The following EEA1 variants were observed in gnomAD, a reference collection of about 807,000 sequenced individuals.
EEA1 encodes the protein early endosome antigen 1.
In EEA1, 111 loss-of-function variants were observed where a neutral mutation model predicts 209.2. That is an observed-to-expected ratio of 0.53 (90% CI 0.45 to 0.62). The LOEUF is 0.62. Ranked by LOEUF, EEA1 falls within the 20% of genes least tolerant of loss-of-function variation. The pLI is 0.00. For missense variants in EEA1, 1,343 were observed against 1,530.8 expected, an observed-to-expected ratio of 0.88 and a Z score of 2.05; for synonymous variants, 536 against 540.6, an observed-to-expected ratio of 0.99 and a Z score of 0.12.
chr12:92,876,942 TG>T (rs1044214392), intron 2 of EEA1, among the ~76,000 whole-genome samples: 9 of 136,182 alleles, frequency 6.6e-5, no homozygotes, highest in Admixed American at 2.1e-4. Context: ...ACCTGGGTGT[TG>T]TTTTTTTTTT....
chr12:92,921,929 A>G (rs1183671305), intron 1 of EEA1, among the ~76,000 whole-genome samples: 1 of 151,508 alleles, frequency 6.6e-6, no homozygotes, highest in Non-Finnish European at 1.5e-5. Flanking sequence ...TCAGAGAATG[A>G]CAGATTACAT....
At chr12:92,923,019 T>C (rs947199392) in intron 1 of EEA1, among the ~76,000 whole-genome samples, 4 of 150,440 alleles carry the variant, frequency 2.7e-5, no homozygotes, top group African/African-American at 5.0e-5. Context: ...AGAAATATTT[T>C]TGGAGGGTTT....
intron 10 of EEA1, among the ~76,000 whole-genome samples, chr12:92,841,161 T>C (rs1436291743): frequency 1.3e-5 from 2 of 152,180 alleles, no homozygotes; most frequent in Non-Finnish European, 2.9e-5. Flanking sequence ...CCAAACAGAC[T>C]AAGACAATGG....
intron 1 of EEA1, among the ~76,000 whole-genome samples, chr12:92,894,550 G>A (rs935013129): frequency 6.6e-6 from 1 of 152,088 alleles, no homozygotes; most frequent in South Asian, 2.1e-4. Context: ...TGCTGAGAAT[G>A]TTTTAGTGAC....
chr12:92,831,140 A>G (rs1421494649), intron 11 of EEA1, among the ~76,000 whole-genome samples: 1 of 152,168 alleles, frequency 6.6e-6, no homozygotes. Flanking sequence ...TATTATTACT[A>G]AAGGATAGAA....
At chr12:92,881,869 C>T (rs1368277284) in intron 2 of EEA1, among the ~76,000 whole-genome samples, 5 of 152,164 alleles carry the variant, frequency 3.3e-5, no homozygotes, top group African/African-American at 1.2e-4. Flanking sequence ...CCCTCGAACA[C>T]CGCAAGTTTG....
chr12:92,811,471 G>A, intron 16 of EEA1, 37 bp from the exon 17 acceptor site: 1 of 1,444,616 alleles, frequency 6.9e-7, no homozygotes, highest in Non-Finnish European at 9.1e-7. Flanking sequence ...CTTTGGTAAG[G>A]TTTACTATAT....
intron 3 of EEA1, among the ~76,000 whole-genome samples, chr12:92,863,981 C>A (rs535168216): frequency 6.6e-6 from 1 of 152,074 alleles, no homozygotes; most frequent in Non-Finnish European, 1.5e-5. Context: ...TATTTCCTAA[C>A]AAATGACAAA....
At chr12:92,851,521 T>C (rs1396776636) in intron 8 of EEA1, among the ~76,000 whole-genome samples, 3 of 152,192 alleles carry the variant, frequency 2.0e-5, no homozygotes, top group African/African-American at 7.2e-5. Context: ...TTTATTTGTT[T>C]TCCTTCCCTT....
At chr12:92,875,965 A>T (rs1878861422) in intron 2 of EEA1, among the ~76,000 whole-genome samples, 1 of 152,100 alleles carries the variant, frequency 6.6e-6, no homozygotes, top group African/African-American at 2.4e-5. Context: ...TCCTCAGAGA[A>T]GTCTTCCCTG....
Position 92,851,128 on chromosome 12 carries a change from G to C in EEA1, c.781C>G (p.Gln261Glu), listed in dbSNP as rs1877611598. 6.2e-7 allele frequency: 1 copy of C among 1,613,556 alleles called. No individual in the cohort carries two copies. Among genetic ancestry groups the C allele is most frequent in the Non-Finnish European group, 8.5e-7 (1 of 1,179,884 alleles). The change falls in exon 9 of 29, where the codon CAA becomes GAA. Residue 261 changes from glutamine (Q) to glutamate (E), a missense_variant. Gln to Glu is a conservative substitution (Grantham distance 29). This residue lies in a region of EEA1 where 1,307 missense variants were observed against 1,465.5 expected (regional missense o/e 0.89). Coordinates refer to ENST00000322349, the MANE Select transcript of EEA1 (RefSeq NM_003566.4). ...TTCATTACCTCTGAGCTAGCATATT[G>C]TGACTGCAATTTTTTGCATTCATCT... ...LKDECKKLQS[Q>E]YASSEATISQ...
intron 2 of EEA1, among the ~76,000 whole-genome samples, chr12:92,873,582 A>T (rs561812083): frequency 6.6e-6 from 1 of 152,338 alleles, no homozygotes; most frequent in Admixed American, 6.5e-5. Context: ...TCCTTGAGTT[A>T]TCAAAGTCAC....
intron 2 of EEA1, chr12:92,884,792 C>T: frequency 3.7e-6 from 3 of 811,678 alleles, no homozygotes; most frequent in South Asian, 2.8e-5. Flanking sequence ...CAGCCAAGCA[C>T]AGTGGTGGCA....
chr12:92,869,658 A>T (rs1165820776), intron 2 of EEA1, among the ~76,000 whole-genome samples: 3 of 142,726 alleles, frequency 2.1e-5, no homozygotes, highest in Non-Finnish European at 3.0e-5. Context: ...CGGGAGGCTG[A>T]GGCAGAACTG....
chr12:92,881,564 C>T (rs1376716815), intron 2 of EEA1, among the ~76,000 whole-genome samples: 17 of 151,988 alleles, frequency 1.1e-4, no homozygotes, highest in Admixed American at 7.9e-4. Flanking sequence ...AGAAAGACTG[C>T]GTTATTAGAC....
rs1876293529 is a variant in EEA1 at position 92,826,251 on chromosome 12, T to A, written c.1439A>T (p.Gln480Leu). The part of the protein sequence containing the change: ...KEKVTNSTEL[Q>L]HQLDKTKQQH... ...TTGCTTTGTTTTATCTAATTGATGC[T>A]GCAATTCTGTAGAATTTGTAACTTT... is the stretch of plus-strand genomic sequence containing the variant. The change falls in exon 13 of 29, where the codon CAG (glutamine) becomes CTG (leucine). Residue 480 changes from glutamine to leucine, a missense_variant. Coordinates refer to ENST00000322349, the MANE Select transcript of EEA1 (RefSeq NM_003566.4). 1 of 1,612,766 alleles carries A rather than the reference T, an allele frequency of 6.2e-7. No homozygotes were observed. The highest frequency in any genetic ancestry group is 1.1e-5 in the South Asian group (1 of 91,040).
intron 11 of EEA1, among the ~76,000 whole-genome samples, chr12:92,832,126 T>G (rs900491963): frequency 1.3e-4 from 20 of 151,846 alleles, no homozygotes; most frequent in Admixed American, 1.3e-3. Context: ...CCAATTTGTA[T>G]GCTATTTGTT....
chr12:92,874,555 G>A lies in EEA1; in HGVS notation c.118-9568C>T, dbSNP rs1355437688. Among the ~76,000 whole-genome samples, 19 of 151,992 alleles carry A rather than the reference G, an allele frequency of 1.3e-4. 1 individual carries two copies. Among genetic ancestry groups the A allele is most frequent in the Admixed American group, 9.2e-4 (14 of 15,258 alleles). On this transcript the variant is annotated intron_variant, in intron 2 of 28. Coordinates refer to ENST00000322349, the MANE Select transcript of EEA1 (RefSeq NM_003566.4). ...TAATTTTTGTATTTTTAGTAGAGAC[G>A]GGGTTTCACCATGTTGGCCAAGCTG...
At chr12:92,861,426 G>A (rs915538663) in intron 3 of EEA1, among the ~76,000 whole-genome samples, 20 of 152,188 alleles carry the variant, frequency 1.3e-4, no homozygotes, top group African/African-American at 4.6e-4. Flanking sequence ...TTGCACTCCA[G>A]CCTGGGCAAC....
Sources: allele counts gnomAD v4.1 joint callset (sites outside exome capture counted in the v4.1 genomes callset), GRCh38; gene constraint gnomAD v4.1.1; regional missense constraint gnomAD v4.1.1; transcripts MANE v1.5; gene names NCBI Gene and HGNC (gene_info 2026-07-23, HGNC 2026-07-21).